SPAG17: variants seen among roughly 807,000 people sequenced by gnomAD.
SPAG17 encodes sperm associated antigen 17.
A neutral mutation model predicts 273.6 loss-of-function variants in SPAG17; 169 were observed. The ratio of observed to expected loss-of-function variants is 0.62; its 90% CI spans 0.55 to 0.70. The LOEUF (loss-of-function observed/expected upper bound fraction) is 0.70, where lower values mean the gene tolerates loss of function less well. Ranked by LOEUF, SPAG17 falls within the 30% of genes least tolerant of loss-of-function variation. The pLI, the probability that SPAG17 is intolerant of heterozygous loss-of-function variation, is 0.00. For missense variants in SPAG17, 2,557 were observed against 2,627.8 expected (o/e 0.97, Z 0.59); for synonymous variants, 825 against 873.2 (o/e 0.94, Z 0.97).
chr1:117,963,675 TTTCA>T, intron 48 of SPAG17, 120 bp downstream of exon 48: 1 of 910,104 alleles, frequency 1.1e-6, no homozygotes. Flanking sequence ...AAACAAATAT[TTTCA>T]TTCATTCAGG....
At chr1:117,964,108 G>T in intron 47 of SPAG17, 170 bp from the exon 48 acceptor site, 1 of 619,390 alleles carries the variant, frequency 1.6e-6, no homozygotes, top group Non-Finnish European at 2.7e-6. Flanking sequence ...GTTAGAGGAT[G>T]GATATGCCAA....
chr1:118,025,631 C>T lies in SPAG17; in HGVS notation c.3731-215G>A, dbSNP rs192093253. 6.3e-3 allele frequency among the ~76,000 whole-genome samples: 966 copies of T among 152,232 alleles called. 22 individuals carry two copies. Among genetic ancestry groups the T allele is most frequent in the Non-Finnish European group, 9.1e-3 (622 of 68,016 alleles). ...CAAGCCTTCTGAGCAGCTGGGACTACAGGCTTGCACCACAACACCCTGTTA... is the reference window on the plus strand; with the variant it reads ...CAAGCCTTCTGAGCAGCTGGGACTATAGGCTTGCACCACAACACCCTGTTA... On this transcript the variant is annotated intron_variant, in intron 26 of 48. Transcript: ENST00000336338.
chr1:118,161,517 AT>A (rs899034074), intron 1 of SPAG17, among the ~76,000 whole-genome samples: 5 of 151,892 alleles, frequency 3.3e-5, no homozygotes, highest in Non-Finnish European at 5.9e-5. Context: ...TGCAATTATC[AT>A]TTTTTTTAAT....
intron 22 of SPAG17, 32 bp from the exon 23 acceptor site, chr1:118,039,476 T>A (rs1205278604): frequency 6.2e-7 from 1 of 1,608,012 alleles, no homozygotes; most frequent in Non-Finnish European, 8.5e-7. Flanking sequence ...GAAGATGGGC[T>A]GATTAGGATG....
chr1:117,996,550 C>G, intron 33 of SPAG17, 48 bp downstream of exon 33: 1 of 1,601,738 alleles, frequency 6.2e-7, no homozygotes, highest in Non-Finnish European at 8.5e-7. Context: ...CGTTAAAATT[C>G]TCCTTGAACT....
intron 3 of SPAG17, among the ~76,000 whole-genome samples, chr1:118,128,516 T>A (rs1657870863): frequency 1.3e-5 from 2 of 152,204 alleles, no homozygotes; most frequent in Non-Finnish European, 2.9e-5. Context: ...CCCTGCTTCG[T>A]AGAAATGACT....
rs563980015 is a variant in SPAG17, at chr1:118,069,344, CA to C, written c.2386-2446del. On this transcript the variant is annotated intron_variant, in intron 17 of 48. Coordinates refer to ENST00000336338, the MANE Select transcript of SPAG17 (RefSeq NM_206996.4). Reference sequence around the variant, plus strand: ...TAAGCGACAGAGTGAGACTCCGTCTCAAAAAAAAAAAAAAGTGGTGGTAGCT... The same window carrying C: ...TAAGCGACAGAGTGAGACTCCGTCTCAAAAAAAAAAAAAGTGGTGGTAGCT... Among the ~76,000 whole-genome samples the C allele has an allele frequency of 8.6e-4, 74 of 86,098 alleles. 1 individual carries two copies. Among genetic ancestry groups the C allele is most frequent in the Middle Eastern group, 6.8e-3 (1 of 148 alleles). 56.5% of individuals were successfully genotyped at this position (86,098 alleles called of 152,430 possible).
At chr1:118,046,065 C>T (rs1443889516) in intron 20 of SPAG17, among the ~76,000 whole-genome samples, 1 of 152,052 alleles carries the variant, frequency 6.6e-6, no homozygotes, top group African/African-American at 2.4e-5. Context: ...AGGCCAGGCA[C>T]GGTGGTTCAC....
At chr1:118,041,524 T>C (rs1266171220) in intron 21 of SPAG17, among the ~76,000 whole-genome samples, 1 of 152,106 alleles carries the variant, frequency 6.6e-6, no homozygotes. Context: ...CATATATCTA[T>C]AAGAATGCTT....
At chr1:118,132,172 C>G (rs937281368) in intron 3 of SPAG17, among the ~76,000 whole-genome samples, 1 of 152,130 alleles carries the variant, frequency 6.6e-6, no homozygotes, top group Admixed American at 6.5e-5. Flanking sequence ...AGGCTCCCTG[C>G]AGGTGTCACT....
Position 117,994,398 on chromosome 1 carries a change from T to C in SPAG17, c.5178+8A>G, listed in dbSNP as rs1657430879. On this transcript the variant is annotated splice_region_variant and intron_variant, in intron 35 of 48. Transcript: ENST00000336338. ...TAATAAAATGACTTTTTAGAAGAAATTATATACCTCAACTGAGGGAAATGT... is the reference window on the plus strand; with the variant it reads ...TAATAAAATGACTTTTTAGAAGAAACTATATACCTCAACTGAGGGAAATGT... 5.6e-6 allele frequency: 9 copies of C among 1,610,014 alleles called. No homozygotes were observed. Among genetic ancestry groups the C allele is most frequent in the Non-Finnish European group, 7.6e-6 (9 of 1,178,036 alleles).
At chr1:118,012,497 T>C in intron 29 of SPAG17, 125 bp from the exon 30 acceptor site, 1 of 1,051,326 alleles carries the variant, frequency 9.5e-7, no homozygotes, top group Non-Finnish European at 1.4e-6. Context: ...TAGGCAAAGT[T>C]TTATCTCATC....
intron 15 of SPAG17, among the ~76,000 whole-genome samples, chr1:118,076,831 TC>T (rs1160987795): frequency 1.3e-5 from 2 of 152,014 alleles, no homozygotes; most frequent in African/African-American, 4.8e-5. Flanking sequence ...TGCTTTCTCA[TC>T]CCTTTGAAAA....
At chr1:118,143,555 CA>C (rs1172062543) in intron 3 of SPAG17, among the ~76,000 whole-genome samples, 4 of 147,254 alleles carry the variant, frequency 2.7e-5, no homozygotes, top group African/African-American at 7.5e-5. Flanking sequence ...AAAAGCCAGC[CA>C]AAAAAAAAGA....
chr1:118,070,776 C>G (rs1232750277), intron 17 of SPAG17, among the ~76,000 whole-genome samples: 1 of 152,254 alleles, frequency 6.6e-6, no homozygotes, highest in East Asian at 1.9e-4. Flanking sequence ...ATCAATGCCA[C>G]CTTTTTAAAG....
chr1:118,068,976 G>C (rs1653278481), intron 17 of SPAG17, among the ~76,000 whole-genome samples: 1 of 152,114 alleles, frequency 6.6e-6, no homozygotes, highest in Non-Finnish European at 1.5e-5. Context: ...CTGATATATA[G>C]AGAATGGATT....
intron 10 of SPAG17, among the ~76,000 whole-genome samples, chr1:118,088,445 C>T (rs1277625944): frequency 6.6e-6 from 1 of 152,068 alleles, no homozygotes; most frequent in African/African-American, 2.4e-5. Flanking sequence ...GTACTTTTAT[C>T]ATTTATTGAT....
chr1:117,957,515 C>T (rs1218370709), intron 48 of SPAG17, among the ~76,000 whole-genome samples: 1 of 152,200 alleles, frequency 6.6e-6, no homozygotes, highest in African/African-American at 2.4e-5. Flanking sequence ...TAAGATAGCT[C>T]TGGTTCTAGT....
intron 3 of SPAG17, among the ~76,000 whole-genome samples, chr1:118,148,289 G>A (rs1659164258): frequency 6.6e-6 from 1 of 152,128 alleles, no homozygotes; most frequent in Non-Finnish European, 1.5e-5. Flanking sequence ...CTGACTTCGT[G>A]GTGTTACAGC....
Sources: allele counts gnomAD v4.1 joint callset (sites outside exome capture counted in the v4.1 genomes callset), GRCh38; gene constraint gnomAD v4.1.1; transcripts MANE v1.5; gene names NCBI Gene and HGNC (gene_info 2026-07-23, HGNC 2026-07-21).